Variants in B3GALT1 observed in about 807,000 individuals in gnomAD.
B3GALT1 encodes UDP-Gal:betaGlcNAc beta 1,3-galactosyltransferase, polypeptide 1.
A neutral mutation model predicts 23.2 loss-of-function variants in B3GALT1; 10 were observed. That is an observed-to-expected ratio of 0.43 (90% CI 0.27 to 0.73). B3GALT1 has a LOEUF of 0.73. Among genes scored for constraint, B3GALT1 ranks in the 30% least tolerant of loss-of-function variants. The pLI, the probability that B3GALT1 is intolerant of heterozygous loss-of-function variation, is 0.21. For synonymous variants in B3GALT1, 156 were observed against 141.5 expected (o/e 1.10, Z -0.73); for missense variants, 299 against 405.4 (o/e 0.74, Z 2.25).
intron 2 of B3GALT1, among the ~76,000 whole-genome samples, 66 bp from the exon 3 acceptor site, chr2:167,646,843 G>A (rs1268859922): frequency 6.6e-6 from 1 of 152,094 alleles, no homozygotes; most frequent in East Asian, 1.9e-4. Flanking sequence ...TTTGTATAGG[G>A]CTTTTTTATT....
At chr2:167,501,309 TAA>T (rs919582937) in intron 2 of B3GALT1, among the ~76,000 whole-genome samples, 1 of 151,716 alleles carries the variant, frequency 6.6e-6, no homozygotes, top group African/African-American at 2.4e-5. Flanking sequence ...TGAAAGCAAA[TAA>T]AAAATGTGTA....
chr2:167,771,948 T>C (rs1379431164), intron 3 of B3GALT1, among the ~76,000 whole-genome samples: 1 of 152,166 alleles, frequency 6.6e-6, no homozygotes, highest in African/African-American at 2.4e-5. Context: ...TGGGGGAGAA[T>C]GGTTCTGCTC....
intron 3 of B3GALT1, among the ~76,000 whole-genome samples, chr2:167,672,005 T>A (rs1337178493): frequency 6.6e-6 from 1 of 152,102 alleles, no homozygotes; most frequent in Non-Finnish European, 1.5e-5. Context: ...CATACACCAA[T>A]AGATTGGATA....
At chr2:167,317,049 G>C (rs144048105) in intron 1 of B3GALT1, among the ~76,000 whole-genome samples, 1 of 152,062 alleles carries the variant, frequency 6.6e-6, no homozygotes, top group Admixed American at 6.5e-5. Context: ...TTCCTAAGCC[G>C]TTAAGGATTG....
intron 1 of B3GALT1, among the ~76,000 whole-genome samples, chr2:167,418,510 A>G (rs1698501648): frequency 6.6e-6 from 1 of 152,040 alleles, no homozygotes; most frequent in East Asian, 1.9e-4. Flanking sequence ...ACAATTTTCC[A>G]TTGACTTATC....
At chr2:167,622,701 G>A (rs996423627) in intron 2 of B3GALT1, among the ~76,000 whole-genome samples, 5 of 152,006 alleles carry the variant, frequency 3.3e-5, no homozygotes, top group African/African-American at 1.2e-4. Flanking sequence ...ACAATTGATG[G>A]CACCTCAGCT....
At chr2:167,360,910 CA>C (rs1407523647) in intron 1 of B3GALT1, among the ~76,000 whole-genome samples, 17 of 152,144 alleles carry the variant, frequency 1.1e-4, no homozygotes, top group African/African-American at 1.7e-4. Context: ...TCTCTAACTC[CA>C]TGAGCTCCAC....
rs895062197 is a variant in B3GALT1 at position 167,789,158 on chromosome 2, G to A, written c.-351-29514G>A. Among the ~76,000 whole-genome samples, 98 of 152,252 alleles carry A rather than the reference G, an allele frequency of 6.4e-4. 5 individuals are homozygous for A. The highest frequency in any genetic ancestry group is 4.1e-4 in the South Asian group (2 of 4,828). ...TAATTCTTACTTAATTTGAGGCATC[G>A]GAAGACAGGTCACTACATCACTTCT... is the stretch of plus-strand genomic sequence containing the variant. On this transcript the variant is annotated intron_variant, in intron 3 of 4. Coordinates refer to ENST00000392690, the MANE Select transcript of B3GALT1 (RefSeq NM_020981.4).
intron 1 of B3GALT1, among the ~76,000 whole-genome samples, chr2:167,344,258 T>C (rs147335462): frequency 6.6e-6 from 1 of 152,176 alleles, no homozygotes; most frequent in Non-Finnish European, 1.5e-5. Context: ...AACAAACTTT[T>C]ATCTACTCGC....
At chr2:167,297,274 T>C (rs546504144) in intron 1 of B3GALT1, among the ~76,000 whole-genome samples, 2 of 152,148 alleles carry the variant, frequency 1.3e-5, no homozygotes, top group Admixed American at 1.3e-4. Context: ...CAGAACTTCA[T>C]TCAAAAGGGA....
At chr2:167,521,169 G>A (rs937814253) in intron 2 of B3GALT1, among the ~76,000 whole-genome samples, 5 of 151,972 alleles carry the variant, frequency 3.3e-5, no homozygotes, top group African/African-American at 7.3e-5. Flanking sequence ...CACCATACAC[G>A]TGATGTTTGT....
rs540580998 is a variant in B3GALT1, at chr2:167,492,105, T to C, written c.-410+1828T>C. Among the ~76,000 whole-genome samples the C allele has an allele frequency of 2.0e-5, 3 of 152,280 alleles. No individual in the cohort carries two copies. In the East Asian group the frequency reaches 5.8e-4, roughly 29 times the overall value. ...GTATCACACAGAATAGCTTCGCTGCTCTAAAAATCCCACATCTTCCTCTGA... is the reference window on the plus strand; with the variant it reads ...GTATCACACAGAATAGCTTCGCTGCCCTAAAAATCCCACATCTTCCTCTGA... On this transcript the variant is annotated intron_variant, in intron 2 of 4. Coordinates refer to ENST00000392690, the MANE Select transcript of B3GALT1 (RefSeq NM_020981.4).
intron 1 of B3GALT1, among the ~76,000 whole-genome samples, chr2:167,385,145 T>G (rs927383131): frequency 6.6e-6 from 1 of 152,130 alleles, no homozygotes; most frequent in Non-Finnish European, 1.5e-5. Flanking sequence ...TCTCAGAACC[T>G]CTGCTTTCTT....
At chr2:167,800,468 T>G (rs994538260) in intron 3 of B3GALT1, among the ~76,000 whole-genome samples, 5 of 152,164 alleles carry the variant, frequency 3.3e-5, no homozygotes, top group African/African-American at 7.2e-5. Context: ...CCCTGAAACT[T>G]TCTTCCCAAC....
intron 3 of B3GALT1, among the ~76,000 whole-genome samples, chr2:167,658,483 G>A (rs537219294): frequency 6.6e-6 from 1 of 152,016 alleles, no homozygotes; most frequent in Non-Finnish European, 1.5e-5. Flanking sequence ...AATAACAAAA[G>A]AGAAGAACTA....
At chr2:167,325,366 C>G (rs1014443296) in intron 1 of B3GALT1, among the ~76,000 whole-genome samples, 1 of 151,908 alleles carries the variant, frequency 6.6e-6, no homozygotes, top group Non-Finnish European at 1.5e-5. Flanking sequence ...CCTCAGGGAG[C>G]TTTTACTTGT....
At chr2:167,843,527 A>G (rs560120781) in intron 4 of B3GALT1, among the ~76,000 whole-genome samples, 14 of 152,324 alleles carry the variant, frequency 9.2e-5, no homozygotes, top group African/African-American at 3.1e-4. Context: ...AACTGCCGCT[A>G]TGGTGCTGGA....
intron 3 of B3GALT1, among the ~76,000 whole-genome samples, chr2:167,662,214 A>G (rs1686072193): frequency 6.6e-6 from 1 of 152,120 alleles, no homozygotes; most frequent in Admixed American, 6.5e-5. Context: ...CATCACATGA[A>G]AATATTTGTC....
Position 167,371,980 on chromosome 2 carries a change from G to T in B3GALT1, c.-511+78646G>T, listed in dbSNP as rs537978035. On this transcript the variant is annotated intron_variant, in intron 1 of 4. Coordinates refer to ENST00000392690, the MANE Select transcript of B3GALT1 (RefSeq NM_020981.4). ...GTAATCTATTGAAATGTGGTTAAAA[G>T]ATATGGTTAAAATTTCAAAAAATAT... is the stretch of plus-strand genomic sequence containing the variant. Among the ~76,000 whole-genome samples, 4 of 151,366 alleles carry T rather than the reference G, an allele frequency of 2.6e-5. 1 individual carries two copies. Among genetic ancestry groups the T allele is most frequent in the African/African-American group, 9.7e-5 (4 of 41,404 alleles).
Sources: gnomAD v4.1 joint callset for allele counts (sites outside exome capture counted in the v4.1 genomes callset) on GRCh38, gnomAD v4.1.1 for gene constraint, MANE v1.5 for transcripts, NCBI Gene and HGNC (gene_info 2026-07-23, HGNC 2026-07-21) for gene names.